Variants in COMMD10 observed in about 807,000 individuals in gnomAD.
COMMD10 encodes the protein COMM domain containing 10.
A neutral mutation model predicts 28.9 loss-of-function variants in COMMD10; 33 were observed. That is an observed-to-expected ratio of 1.14 (90% CI 0.87 to 1.53). COMMD10 has a LOEUF of 1.53. COMMD10 is among the 40% of genes most tolerant of loss of function. The pLI is 0.00. For missense variants in COMMD10, 310 were observed against 233.4 expected, an observed-to-expected ratio of 1.33 and a Z score of -2.14; for synonymous variants, 110 against 81.7, an observed-to-expected ratio of 1.35 and a Z score of -1.87.
intron 4 of COMMD10, among the ~76,000 whole-genome samples, chr5:116,097,869 A>G (rs558211683): frequency 2.0e-5 from 3 of 152,172 alleles, no homozygotes; most frequent in South Asian, 2.1e-4. Context: ...CGAGAACTCA[A>G]CTATCACAAG....
At chr5:116,251,904 C>T (rs1192324962) in intron 5 of COMMD10, among the ~76,000 whole-genome samples, 3 of 151,196 alleles carry the variant, frequency 2.0e-5, no homozygotes, top group Non-Finnish European at 2.9e-5. Context: ...GTTGACAGTC[C>T]CACCAACAAT....
At chr5:116,111,754 T>G (rs1009802278) in intron 4 of COMMD10, among the ~76,000 whole-genome samples, 1 of 152,202 alleles carries the variant, frequency 6.6e-6, no homozygotes, top group African/African-American at 2.4e-5. Flanking sequence ...TCTGCAGTTG[T>G]TGGATAGAAT....
intron 5 of COMMD10, among the ~76,000 whole-genome samples, chr5:116,164,001 GT>G (rs1753009682): frequency 6.6e-6 from 1 of 152,098 alleles, no homozygotes; most frequent in South Asian, 2.1e-4. Flanking sequence ...AATACTTTGT[GT>G]AACTATTTTC....
In COMMD10 at chr5:116,143,149, A is replaced by T. The variant is rs186111007; in HGVS notation, c.510+8971A>T. Among the ~76,000 whole-genome samples the T allele has an allele frequency of 1.7e-3, 259 of 150,946 alleles. 1 individual carries two copies. The highest frequency in any genetic ancestry group is 5.9e-3 in the African/African-American group (244 of 41,324). ...TATGTAGTCAGGTATATTGATACAA[A>T]TCATATGTATATAATTTCTGCATAA... On this transcript the variant is annotated intron_variant, in intron 5 of 6. Transcript: ENST00000274458.
intron 2 of COMMD10, among the ~76,000 whole-genome samples, chr5:116,090,057 T>C (rs1750247022): frequency 6.6e-6 from 1 of 152,188 alleles, no homozygotes; most frequent in Admixed American, 6.5e-5. Flanking sequence ...CTGGTACTTT[T>C]ATTTTATTAA....
At chr5:116,287,350 GGTTTTTTATTTA>G (rs1751245015) in intron 5 of COMMD10, among the ~76,000 whole-genome samples, 1 of 151,514 alleles carries the variant, frequency 6.6e-6, no homozygotes, top group Non-Finnish European at 1.5e-5. Flanking sequence ...GTCTTGTAAT[GGTTTTTTATTTA>G]AAGTATATTT....
At chr5:116,279,764 G>T (rs1489751336) in intron 5 of COMMD10, among the ~76,000 whole-genome samples, 1 of 151,800 alleles carries the variant, frequency 6.6e-6, no homozygotes, top group African/African-American at 2.4e-5. Flanking sequence ...TCTAATTGGT[G>T]TAACAGATAC....
intron 5 of COMMD10, among the ~76,000 whole-genome samples, chr5:116,262,502 A>G (rs1365068189): frequency 1.3e-5 from 2 of 151,792 alleles, no homozygotes; most frequent in African/African-American, 4.9e-5. Flanking sequence ...CCTGCATTTC[A>G]TCATTAACCA....
At chr5:116,146,717 T>G (rs771513298) in intron 5 of COMMD10, among the ~76,000 whole-genome samples, 27 of 152,008 alleles carry the variant, frequency 1.8e-4, no homozygotes, top group Non-Finnish European at 3.4e-4. Flanking sequence ...TTTCAGATTT[T>G]TTCTTTCCTT....
chr5:116,120,283 A>G (rs1233475538), intron 4 of COMMD10, among the ~76,000 whole-genome samples: 4 of 152,072 alleles, frequency 2.6e-5, no homozygotes, highest in African/African-American at 9.7e-5. Flanking sequence ...GTTCTCCCTT[A>G]TTGGGAGCTA....
intron 5 of COMMD10, among the ~76,000 whole-genome samples, chr5:116,208,554 G>C (rs1295460344): frequency 2.0e-5 from 3 of 152,110 alleles, no homozygotes; most frequent in Admixed American, 2.0e-4. Flanking sequence ...TTCTTAGAAG[G>C]ATAGGGACCA....
At chr5:116,140,285 G>GTA (rs1752159108) in intron 5 of COMMD10, among the ~76,000 whole-genome samples, 1 of 150,406 alleles carries the variant, frequency 6.6e-6, no homozygotes, top group African/African-American at 2.5e-5. Context: ...ATGTCTATGC[G>GTA]TATATATATG....
At chr5:116,151,753 CTTT>C (rs1752536453) in intron 5 of COMMD10, among the ~76,000 whole-genome samples, 1 of 152,076 alleles carries the variant, frequency 6.6e-6, no homozygotes, top group African/African-American at 2.4e-5. Context: ...CTCTTTTCTT[CTTT>C]ATTAGTCTTG....
chr5:116,270,993 C>A (rs545803481), intron 5 of COMMD10, among the ~76,000 whole-genome samples: 1 of 151,678 alleles, frequency 6.6e-6, no homozygotes, highest in East Asian at 1.9e-4. Flanking sequence ...ATTTAACAAT[C>A]TCAGTATAAC....
chr5:116,225,734 C>G (rs139872869), intron 5 of COMMD10, among the ~76,000 whole-genome samples: 1 of 152,168 alleles, frequency 6.6e-6, no homozygotes, highest in East Asian at 1.9e-4. Flanking sequence ...CTAGATTCAT[C>G]TTTCTACCAC....
intron 5 of COMMD10, among the ~76,000 whole-genome samples, chr5:116,165,573 C>T (rs547432010): frequency 2.0e-5 from 3 of 152,112 alleles, no homozygotes; most frequent in African/African-American, 7.2e-5. Flanking sequence ...GCCTTGTCTT[C>T]ACATGATCTT....
chr5:116,130,334 G>T (rs1751823514), intron 4 of COMMD10, among the ~76,000 whole-genome samples: 1 of 151,850 alleles, frequency 6.6e-6, no homozygotes, highest in Non-Finnish European at 1.5e-5. Context: ...TGTTATGATA[G>T]ATGGCAAAAA....
At chr5:116,108,199 G>T (rs1750907413) in intron 4 of COMMD10, among the ~76,000 whole-genome samples, 2 of 152,208 alleles carry the variant, frequency 1.3e-5, no homozygotes, top group Admixed American at 6.5e-5. Context: ...GAGCTTGAAT[G>T]CTATGCTGGG....
chr5:116,114,754 C>T (rs1244980208), intron 4 of COMMD10, among the ~76,000 whole-genome samples: 3 of 152,130 alleles, frequency 2.0e-5, no homozygotes, highest in African/African-American at 7.2e-5. Context: ...GAATCTGTGT[C>T]CCTCTCATGT....
Sources: gnomAD v4.1 joint callset for allele counts (sites outside exome capture counted in the v4.1 genomes callset) on GRCh38, gnomAD v4.1.1 for gene constraint, MANE v1.5 for transcripts, NCBI Gene and HGNC (gene_info 2026-07-23, HGNC 2026-07-21) for gene names.